The following TRIQK variants were observed in gnomAD, a reference collection of about 807,000 sequenced individuals.
The protein encoded by TRIQK is triple QxxK/R motif containing.
TRIQK carries 10 observed loss-of-function variants against 10.8 expected under a neutral mutation model. The ratio of observed to expected loss-of-function variants is 0.92; its 90% CI spans 0.57 to 1.57. The LOEUF (loss-of-function observed/expected upper bound fraction) is 1.57, where lower values mean the gene tolerates loss of function less well. Among genes scored for constraint, TRIQK ranks in the 40% most tolerant of loss-of-function variants. TRIQK has a pLI of 0.00. For synonymous variants in TRIQK, 33 were observed against 33.7 expected (o/e 0.98, Z 0.07); for missense variants, 107 against 97.7 (o/e 1.09, Z -0.40).
intron 1 of TRIQK, chr8:92,972,868 A>G (rs980487009): frequency 1.6e-4 from 24 of 152,168 alleles, no homozygotes; most frequent in African/African-American, 5.3e-4. Flanking sequence ...ATGATCTACT[A>G]TTGCTGTCCT....
rs115859756 is a variant in TRIQK at position 93,014,609 on chromosome 8, A to G, written c.-181+3000T>C. 2.5e-3 allele frequency among the ~76,000 whole-genome samples: 383 copies of G among 152,186 alleles called. 1 individual carries two copies. Among genetic ancestry groups the G allele is most frequent in the African/African-American group, 8.8e-3 (365 of 41,574 alleles). ...AGAGCACCAACCAAATGACATCATA[A>G]AAAGTTACTTTATAATTTTTAATCA... On this transcript the variant is annotated intron_variant, in intron 1 of 4. Coordinates refer to the TRIQK transcript ENST00000520686.
chr8:92,923,859 T>G (rs886644348), intron 2 of TRIQK, among the ~76,000 whole-genome samples: 1 of 151,948 alleles, frequency 6.6e-6, no homozygotes, highest in African/African-American at 2.4e-5. Flanking sequence ...CCGACCAAGT[T>G]ATTTTATTGC....
upstream of TRIQK, among the ~76,000 whole-genome samples, chr8:92,968,403 T>C (rs1812838405): frequency 1.3e-5 from 2 of 152,186 alleles, no homozygotes; most frequent in South Asian, 2.1e-4. Flanking sequence ...GTTGAACTAA[T>C]TGACACTCCC....
intron 1 of TRIQK, among the ~76,000 whole-genome samples, chr8:92,991,908 C>T (rs1350278899): frequency 6.6e-6 from 1 of 152,058 alleles, no homozygotes; most frequent in East Asian, 1.9e-4. Context: ...TTCACAATTG[C>T]TACAAAGAGA....
chr8:92,897,643 T>C (rs374545891), intron 3 of TRIQK, among the ~76,000 whole-genome samples: 12 of 152,162 alleles, frequency 7.9e-5, no homozygotes, highest in African/African-American at 2.7e-4. Flanking sequence ...ATTTCTTTTC[T>C]TTATAAATTA....
At chr8:92,959,028 A>C (rs1812313067) in intron 1 of TRIQK, among the ~76,000 whole-genome samples, 1 of 152,074 alleles carries the variant, frequency 6.6e-6, no homozygotes, top group African/African-American at 2.4e-5. Context: ...AATTTTACAT[A>C]ATTTCCACAT....
intron 2 of TRIQK, among the ~76,000 whole-genome samples, chr8:92,941,946 C>T (rs903262638): frequency 1.3e-5 from 2 of 152,176 alleles, no homozygotes; most frequent in Non-Finnish European, 2.9e-5. Flanking sequence ...AGTCTCTCAT[C>T]AGTGAAAATC....
At chr8:92,972,016 T>C (rs951718984) in intron 1 of TRIQK, among the ~76,000 whole-genome samples, 1 of 152,228 alleles carries the variant, frequency 6.6e-6, no homozygotes, top group Non-Finnish European at 1.5e-5. Context: ...CATTATGCAA[T>C]GTTGACCTTT....
chr8:92,976,013 C>T (rs558051206), intron 1 of TRIQK, among the ~76,000 whole-genome samples: 3 of 151,788 alleles, frequency 2.0e-5, no homozygotes, highest in East Asian at 1.9e-4. Context: ...AATTCTGTTG[C>T]GGTTAGAGAA....
At chr8:93,011,125 C>T (rs536117476) in intron 1 of TRIQK, among the ~76,000 whole-genome samples, 1 of 151,722 alleles carries the variant, frequency 6.6e-6, no homozygotes, top group Non-Finnish European at 1.5e-5. Flanking sequence ...GAGTGTCACA[C>T]ATGCTCATAT....
intron 4 of TRIQK, among the ~76,000 whole-genome samples, chr8:92,890,515 G>T (rs893624012): frequency 5.3e-5 from 8 of 151,530 alleles, no homozygotes; most frequent in Non-Finnish European, 8.9e-5. Flanking sequence ...GCACTATAAG[G>T]TAGACCTTAT....
At chr8:92,930,501 T>C (rs1351861124) in intron 2 of TRIQK, among the ~76,000 whole-genome samples, 1 of 148,668 alleles carries the variant, frequency 6.7e-6, no homozygotes, top group Non-Finnish European at 1.5e-5. Context: ...GAAACACATA[T>C]CCAAACATGT....
chr8:92,987,815 TC>T (rs1813051750), intron 1 of TRIQK, among the ~76,000 whole-genome samples: 1 of 152,028 alleles, frequency 6.6e-6, no homozygotes, highest in Non-Finnish European at 1.5e-5. Context: ...GGATAGTTTC[TC>T]AAGTAAAAAT....
At chr8:92,925,543 A>G (rs1027661850) in intron 2 of TRIQK, among the ~76,000 whole-genome samples, 2 of 152,200 alleles carry the variant, frequency 1.3e-5, no homozygotes, top group African/African-American at 4.8e-5. Context: ...AAGGTATACA[A>G]CCTAATAATT....
chr8:92,910,426 G>A (rs1809510043), intron 3 of TRIQK, among the ~76,000 whole-genome samples: 1 of 150,876 alleles, frequency 6.6e-6, no homozygotes, highest in Non-Finnish European at 1.5e-5. Flanking sequence ...TAGTCAAAAA[G>A]TTTCAAGAAA....
chr8:92,932,105 C>T (rs1408122145), intron 2 of TRIQK, among the ~76,000 whole-genome samples: 1 of 152,102 alleles, frequency 6.6e-6, no homozygotes, highest in African/African-American at 2.4e-5. Flanking sequence ...CCTGATTCTC[C>T]TTCTACATTT....
At chr8:92,940,875 G>T (rs1167881361) in intron 2 of TRIQK, among the ~76,000 whole-genome samples, 1 of 152,102 alleles carries the variant, frequency 6.6e-6, no homozygotes, top group Admixed American at 6.6e-5. Flanking sequence ...TCATATGTTA[G>T]ATCACAAAAC....
At chr8:92,976,287 C>T (rs772868634) in intron 1 of TRIQK, among the ~76,000 whole-genome samples, 1 of 151,864 alleles carries the variant, frequency 6.6e-6, no homozygotes, top group Non-Finnish European at 1.5e-5. Context: ...TTGTGCATTT[C>T]TTCTTGAAGT....
At chr8:92,996,804 A>G (rs1343317269) in intron 1 of TRIQK, among the ~76,000 whole-genome samples, 1 of 152,000 alleles carries the variant, frequency 6.6e-6, no homozygotes, top group Non-Finnish European at 1.5e-5. Flanking sequence ...GTAAGTGTGT[A>G]TAGATAGTAC....
Sources: allele counts gnomAD v4.1 joint callset (sites outside exome capture counted in the v4.1 genomes callset), GRCh38; gene constraint gnomAD v4.1.1; transcripts MANE v1.5; gene names NCBI Gene and HGNC (gene_info 2026-07-23, HGNC 2026-07-21).